CNTNAP2: variants seen among roughly 807,000 people sequenced by gnomAD.
CNTNAP2 encodes the protein contactin-associated protein-like 2.
Under a neutral mutation model 155.2 loss-of-function variants are expected in CNTNAP2, and 98 were observed. The ratio of observed to expected loss-of-function variants is 0.63; its 90% CI spans 0.54 to 0.75. The LOEUF (loss-of-function observed/expected upper bound fraction) is 0.75. Among genes scored for constraint, CNTNAP2 ranks in the 30% least tolerant of loss-of-function variants. The pLI, the probability that CNTNAP2 is intolerant of heterozygous loss-of-function variation, is 0.00. For missense variants in CNTNAP2, 1,727 were observed against 1,688.1 expected, an observed-to-expected ratio of 1.02 and a Z score of -0.40; for synonymous variants, 651 against 631.2, an observed-to-expected ratio of 1.03 and a Z score of -0.47.
chr7:146,151,649 T>A (rs62504798), intron 1 of CNTNAP2, among the ~76,000 whole-genome samples: 1 of 28,536 alleles, frequency 3.5e-5, no homozygotes, highest in Non-Finnish European at 6.0e-5. Context: ...TATATATATA[T>A]ATATATATAT....
intron 13 of CNTNAP2, among the ~76,000 whole-genome samples, chr7:147,694,346 G>A (rs1352253759): frequency 2.6e-5 from 4 of 151,906 alleles, no homozygotes. Flanking sequence ...TCTGGTTTTG[G>A]TATTCCTCAA....
In CNTNAP2 at chr7:147,323,970, CT is replaced by C. The variant is rs200783310; in HGVS notation, c.1498+23688del. ...AATAATGTGGATGGTTATCTAAGAG[CT>C]TTTTTTTCTTTAGCTTAGAAAGCAA... On this transcript the variant is annotated intron_variant, in intron 9 of 23. Transcript: ENST00000361727. Among the ~76,000 whole-genome samples, 31 of 150,990 alleles carry C rather than the reference CT, an allele frequency of 2.1e-4. No individual in the cohort carries two copies. The South Asian group carries it at 2.1e-3, about 10-fold the overall frequency.
At chr7:148,101,628 C>T (rs933070603) in intron 15 of CNTNAP2, among the ~76,000 whole-genome samples, 2 of 152,148 alleles carry the variant, frequency 1.3e-5, no homozygotes, top group African/African-American at 4.8e-5. Context: ...TTTGTTTGTG[C>T]ATCTTCCAAT....
intron 3 of CNTNAP2, among the ~76,000 whole-genome samples, chr7:146,897,514 A>C (rs748092183): frequency 6.6e-6 from 1 of 152,116 alleles, no homozygotes; most frequent in African/African-American, 2.4e-5. Context: ...ACGTTGTAGA[A>C]TCCAACAGGC....
chr7:146,813,925 C>A (rs1327621769), intron 2 of CNTNAP2, among the ~76,000 whole-genome samples: 1 of 152,014 alleles, frequency 6.6e-6, no homozygotes, highest in East Asian at 1.9e-4. Flanking sequence ...GGGCATTTTC[C>A]CCTTTGCTTG....
At chr7:146,531,814 G>A (rs1797774608) in intron 1 of CNTNAP2, among the ~76,000 whole-genome samples, 1 of 152,072 alleles carries the variant, frequency 6.6e-6, no homozygotes, top group Non-Finnish European at 1.5e-5. Flanking sequence ...CAAAGTGCTG[G>A]GATTAGAGGC....
At chr7:146,903,970 C>A (rs10278770) in intron 3 of CNTNAP2, among the ~76,000 whole-genome samples, 6,200 of 151,946 alleles carry the variant, frequency 0.041, 137 homozygotes, top group South Asian at 0.078. Flanking sequence ...CATTGTACAC[C>A]GTAAATATAC....
At chr7:148,206,820 C>T (rs934413549) in intron 18 of CNTNAP2, among the ~76,000 whole-genome samples, 2 of 152,190 alleles carry the variant, frequency 1.3e-5, no homozygotes, top group African/African-American at 4.8e-5. Context: ...CCTGCTGTTT[C>T]CAGTACTTGG....
At chr7:148,326,107 G>C (rs80285178) in intron 21 of CNTNAP2, among the ~76,000 whole-genome samples, 4 of 151,438 alleles carry the variant, frequency 2.6e-5, no homozygotes, top group African/African-American at 4.9e-5. Flanking sequence ...GCACCCAAGA[G>C]AGCCTGTTTC....
At chr7:147,546,260 A>G (rs911939707) in intron 11 of CNTNAP2, among the ~76,000 whole-genome samples, 14 of 152,296 alleles carry the variant, frequency 9.2e-5, no homozygotes, top group African/African-American at 2.9e-4. Context: ...AATTCTGTCA[A>G]TGTGTGCAAT....
intron 13 of CNTNAP2, among the ~76,000 whole-genome samples, chr7:147,734,362 A>G (rs1281255586): frequency 6.6e-6 from 1 of 152,186 alleles, no homozygotes; most frequent in Non-Finnish European, 1.5e-5. Context: ...CCCAGGGATG[A>G]AGCCCACTTG....
chr7:146,352,750 G>GTTGTTTTTTTTTTTT (rs1554421455), intron 1 of CNTNAP2, among the ~76,000 whole-genome samples: 3 of 64,338 alleles, frequency 4.7e-5, no homozygotes, highest in African/African-American at 1.9e-4. Flanking sequence ...GCATAATTCT[G>GTTGTTTTTTTTTTTT]TTTTTTTTTT....
At chr7:146,282,444 C>T (rs2129085085) in intron 1 of CNTNAP2, among the ~76,000 whole-genome samples, 1 of 152,316 alleles carries the variant, frequency 6.6e-6, no homozygotes, top group South Asian at 2.1e-4. Flanking sequence ...CCTGCCAACA[C>T]TTTGGATAAT....
intron 10 of CNTNAP2, among the ~76,000 whole-genome samples, chr7:147,412,090 A>C (rs926900365): frequency 2.6e-5 from 4 of 152,186 alleles, no homozygotes; most frequent in African/African-American, 9.7e-5. Flanking sequence ...AGGATTTCAT[A>C]AGAGAGTGGC....
At chr7:147,766,802 T>C (rs1466085535) in intron 13 of CNTNAP2, among the ~76,000 whole-genome samples, 1 of 152,140 alleles carries the variant, frequency 6.6e-6, no homozygotes, top group African/African-American at 2.4e-5. Context: ...ATACTATATC[T>C]TGTTCTTTCT....
intron 4 of CNTNAP2, among the ~76,000 whole-genome samples, chr7:147,080,107 G>C (rs1800092018): frequency 1.3e-5 from 2 of 150,922 alleles, no homozygotes; most frequent in African/African-American, 4.9e-5. Flanking sequence ...CCCCCAATTA[G>C]GAGGTGACTG....
At chr7:147,036,840 C>A (rs1256107417) in intron 3 of CNTNAP2, among the ~76,000 whole-genome samples, 1 of 152,118 alleles carries the variant, frequency 6.6e-6, no homozygotes, top group South Asian at 2.1e-4. Flanking sequence ...AAAAACTCAG[C>A]TGTGTATCTT....
intron 6 of CNTNAP2, among the ~76,000 whole-genome samples, chr7:147,124,511 A>G (rs2129283517): frequency 6.6e-6 from 1 of 152,296 alleles, no homozygotes; most frequent in African/African-American, 2.4e-5. Flanking sequence ...TATGGAACTG[A>G]GCAGGGAGTT....
intron 21 of CNTNAP2, among the ~76,000 whole-genome samples, chr7:148,380,381 T>C (rs1285714109): frequency 1.3e-5 from 2 of 152,222 alleles, no homozygotes; most frequent in Non-Finnish European, 2.9e-5. Flanking sequence ...TCTATAACTT[T>C]GTGGTGCTAT....
Sources: allele counts gnomAD v4.1 joint callset (sites outside exome capture counted in the v4.1 genomes callset), GRCh38; gene constraint gnomAD v4.1.1; transcripts MANE v1.5; gene names NCBI Gene and HGNC (gene_info 2026-07-23, HGNC 2026-07-21).